Variants in LIN9 observed in about 807,000 individuals in gnomAD.
The protein encoded by LIN9 is lin-9 DREAM MuvB core complex component.
A neutral mutation model predicts 78.0 loss-of-function variants in LIN9; 18 were observed. The observed-to-expected ratio is 0.23, with a 90% CI of 0.16 to 0.34. LIN9 has a LOEUF of 0.34. Ranked by LOEUF, LIN9 falls within the 10% of genes least tolerant of loss-of-function variation. The pLI is 1.00. For missense variants in LIN9, 451 were observed against 644.1 expected (o/e 0.70, Z 3.25); for synonymous variants, 192 against 215.2 (o/e 0.89, Z 0.94).
chr1:226,287,608 G>T, intron 5 of LIN9, 56 bp downstream of exon 5: 1 of 1,319,380 alleles, frequency 7.6e-7, no homozygotes, highest in Non-Finnish European at 1.0e-6. Context: ...TAAAACACTT[G>T]AAAAACTTAA....
intron 10 of LIN9, 145 bp from the exon 11 acceptor site, chr1:226,251,064 T>G (rs1007321997): frequency 1.5e-5 from 7 of 470,428 alleles, no homozygotes; most frequent in African/African-American, 6.2e-5. Context: ...ATTGTTTTGG[T>G]TTTTTTTTCT....
At position 226,289,166 on chromosome 1, in the gene LIN9, C is replaced by T. The variant is rs1462872153; in HGVS notation, c.265-1369G>A. Among the ~76,000 whole-genome samples the T allele has an allele frequency of 4.0e-5, 6 of 151,764 alleles. No homozygotes were observed. The South Asian group carries it at 6.2e-4, about 16-fold the overall frequency. ...AGAAGACTAGCTTGAACCTGGGAGG[C>T]GGAGGTTGCAGTGAGCAGAGATCAC... is the stretch of plus-strand genomic sequence containing the variant. On this transcript the variant is annotated intron_variant, in intron 4 of 14. Transcript: ENST00000681046.
intron 10 of LIN9, among the ~76,000 whole-genome samples, chr1:226,254,461 G>T (rs1291107117): frequency 6.6e-6 from 1 of 152,058 alleles, no homozygotes; most frequent in Non-Finnish European, 1.5e-5. Context: ...AATAGTGGAA[G>T]TAGTATTTTA....
At chr1:226,236,698 C>A (rs1657739895) in intron 12 of LIN9, among the ~76,000 whole-genome samples, 1 of 152,170 alleles carries the variant, frequency 6.6e-6, no homozygotes, top group Non-Finnish European at 1.5e-5. Context: ...ACCTCGTGAT[C>A]CGCCTGCCTT....
intron 10 of LIN9, among the ~76,000 whole-genome samples, chr1:226,251,289 G>A (rs1317512638): frequency 4.6e-5 from 7 of 150,874 alleles, no homozygotes; most frequent in East Asian, 3.9e-4. Flanking sequence ...GTGCAATGGC[G>A]TGATCTTGGC....
At chr1:226,303,694 C>T (rs1159325027) in intron 1 of LIN9, among the ~76,000 whole-genome samples, 3 of 152,168 alleles carry the variant, frequency 2.0e-5, no homozygotes, top group Admixed American at 1.3e-4. Context: ...CAACCTCCAC[C>T]TCCCGGGTTC....
At chr1:226,294,465 G>A (rs747115512) in intron 4 of LIN9, among the ~76,000 whole-genome samples, 2 of 151,744 alleles carry the variant, frequency 1.3e-5, no homozygotes, top group African/African-American at 2.4e-5. Flanking sequence ...CCAGCTACTC[G>A]GGAGGCTAAG....
chr1:226,305,973 G>A (rs1662890199), intron 1 of LIN9, among the ~76,000 whole-genome samples: 1 of 152,170 alleles, frequency 6.6e-6, no homozygotes, highest in Admixed American at 6.5e-5. Flanking sequence ...AGAATTGATA[G>A]ATATTTAGAA....
chr1:226,256,571 T>A lies in LIN9; in HGVS notation c.1039-5652A>T, dbSNP rs576764027. On this transcript the variant is annotated intron_variant, in intron 10 of 14. Transcript: ENST00000681046. ...AAAATAAATATATATATATATATAT[T>A]TTTTTGAGACAGAGTCTCGCTCTGT... Among the ~76,000 whole-genome samples, 461 of 150,382 alleles carry A rather than the reference T, an allele frequency of 3.1e-3. 2 individuals carry two copies. The highest frequency in any genetic ancestry group is 8.0e-3 in the Admixed American group (121 of 15,042).
Position 226,267,143 on chromosome 1 carries a change from G to A in LIN9, c.817-811C>T, listed in dbSNP as rs1172891683. Among the ~76,000 whole-genome samples, 3 of 151,522 alleles carry A rather than the reference G, an allele frequency of 2.0e-5. No individual in the cohort carries two copies. In the East Asian group the frequency reaches 5.8e-4, roughly 29 times the overall value. On this transcript the variant is annotated intron_variant, in intron 8 of 14. Coordinates refer to ENST00000681046, the MANE Select transcript of LIN9 (RefSeq NM_001366245.2). ...CCTTTAATGTAAAAACTTAAGAGCAGTGTACTCTGTTCTACATTTAGTTCT... is the reference window on the plus strand; with the variant it reads ...CCTTTAATGTAAAAACTTAAGAGCAATGTACTCTGTTCTACATTTAGTTCT...
At chr1:226,288,080 T>C (rs1043688393) in intron 4 of LIN9, among the ~76,000 whole-genome samples, 16 of 152,040 alleles carry the variant, frequency 1.1e-4, no homozygotes, top group African/African-American at 3.6e-4. Context: ...CAAGCTACTC[T>C]CTTGTCTCAA....
At chr1:226,269,473 CAA>C (rs71168974) in intron 7 of LIN9, among the ~76,000 whole-genome samples, 22,389 of 152,120 alleles carry the variant, frequency 0.15, 1,801 homozygotes, top group East Asian at 0.22. Flanking sequence ...ATGTAGAAAA[CAA>C]GAAACGTTTA....
At chr1:226,271,404 A>G (rs1660266082) in intron 7 of LIN9, among the ~76,000 whole-genome samples, 1 of 152,216 alleles carries the variant, frequency 6.6e-6, no homozygotes, top group South Asian at 2.1e-4. Flanking sequence ...AATATTTTCT[A>G]AAGAAGGAAT....
chr1:226,286,398 C>T lies in LIN9; in HGVS notation c.459G>A (p.Leu153=). The T allele has an allele frequency of 6.2e-7, 1 of 1,612,378 alleles. No homozygotes were observed. Among genetic ancestry groups the T allele is most frequent in the Non-Finnish European group, 8.5e-7 (1 of 1,179,138 alleles). The change falls in exon 6 of 15, where the codon TTG becomes TTA. Residue 153 remains leucine (L), a synonymous_variant. Coordinates refer to ENST00000681046, the MANE Select transcript of LIN9 (RefSeq NM_001366245.2). ...CVCLKESFPN[L]KTRKLTRVEW... ...CTACTCTTGTTAACTTTCTTGTTTTCAAATTAGGAAAAGATTCCTTTAGAC... is the reference window on the plus strand; with the variant it reads ...CTACTCTTGTTAACTTTCTTGTTTTTAAATTAGGAAAAGATTCCTTTAGAC...
chr1:226,232,733 C>T (rs1364047110), intron 14 of LIN9, 127 bp from the exon 15 acceptor site: 2 of 567,598 alleles, frequency 3.5e-6, no homozygotes, highest in East Asian at 5.9e-5. Flanking sequence ...TAAATCTCCT[C>T]TAATATATTA....
In LIN9 at chr1:226,268,164, T is replaced by C. The variant is rs545308287; in HGVS notation, c.683-74A>G. ...GTCAAATATAAAACTGTTCCAAGCA[T>C]GTAATTTAAATCATAGTACAGTATT... is the stretch of plus-strand genomic sequence containing the variant. On this transcript the variant is annotated intron_variant, in intron 7 of 14. Coordinates refer to ENST00000681046, the MANE Select transcript of LIN9 (RefSeq NM_001366245.2). The C allele has an allele frequency of 1.5e-5, 22 of 1,431,574 alleles. No individual in the cohort carries two copies. In the South Asian group the frequency reaches 1.9e-4, roughly 13 times the overall value. The allele number at this position is 1,431,574 out of a possible 1,614,324, so 88.7% of individuals were successfully genotyped here. A position where few individuals can be genotyped will look rare whatever the true frequency, so the allele number is the denominator to read the frequency against.
At chr1:226,258,303 C>G (rs1046975690) in intron 10 of LIN9, among the ~76,000 whole-genome samples, 1 of 150,856 alleles carries the variant, frequency 6.6e-6, no homozygotes, top group Non-Finnish European at 1.5e-5. Flanking sequence ...GAGTTCCAGA[C>G]CAGCCTGGCC....
chr1:226,295,699 G>A, intron 4 of LIN9, 143 bp downstream of exon 4: 1 of 535,146 alleles, frequency 1.9e-6, no homozygotes. Context: ...ACATTTTCTA[G>A]GTAACTAAAA....
intron 12 of LIN9, among the ~76,000 whole-genome samples, chr1:226,234,318 C>T (rs573306154): frequency 9.7e-4 from 148 of 152,272 alleles, no homozygotes; most frequent in African/African-American, 3.4e-3. Context: ...GTGTTTTTCT[C>T]ACTCTTAACA....
Sources: allele counts gnomAD v4.1 joint callset (sites outside exome capture counted in the v4.1 genomes callset), GRCh38; gene constraint gnomAD v4.1.1; transcripts MANE v1.5; gene names NCBI Gene and HGNC (gene_info 2026-07-23, HGNC 2026-07-21).